NIN: variants seen among roughly 807,000 people sequenced by gnomAD.
NIN encodes glycogen synthase kinase 3 beta-interacting protein.
In NIN, 137 loss-of-function variants were observed where a neutral mutation model predicts 257.6. That is an observed-to-expected ratio of 0.53 (90% confidence interval 0.46 to 0.61). The LOEUF is 0.61. NIN is among the 20% of genes least tolerant of loss of function. The pLI is 0.00. For missense variants in NIN, 2,439 were observed against 2,501.2 expected (o/e 0.98, Z 0.53); for synonymous variants, 918 against 919.8 (o/e 1.00, Z 0.04).
intron 29 of NIN, 122 bp downstream of exon 29, chr14:50,729,401 C>G (rs1293230766): frequency 1.9e-5 from 17 of 890,846 alleles, no homozygotes; most frequent in Non-Finnish European, 2.8e-5. Context: ...TCCCAAGTAG[C>G]TGGGACTACA....
rs190809830 is a variant in NIN, at chr14:50,803,317, C to A, written c.265+3420G>T. Among the ~76,000 whole-genome samples the A allele has an allele frequency of 1.7e-4, 26 of 152,332 alleles. No homozygotes were observed. The East Asian group carries it at 4.2e-3, about 25-fold the overall frequency. ...GCAGTGAACTGAGATTGTGCCACTGCACTCCAGCCTGGGCAACAGAGTGAG... is the reference window on the plus strand; with the variant it reads ...GCAGTGAACTGAGATTGTGCCACTGAACTCCAGCCTGGGCAACAGAGTGAG... On this transcript the variant is annotated intron_variant, in intron 4 of 30. Transcript: ENST00000530997.
intron 4 of NIN, among the ~76,000 whole-genome samples, chr14:50,799,103 C>T (rs776836178): frequency 2.0e-5 from 3 of 152,146 alleles, no homozygotes; most frequent in Non-Finnish European, 4.4e-5. Context: ...GCATTTTACA[C>T]GTTAGGATTA....
intron 24 of NIN, among the ~76,000 whole-genome samples, chr14:50,742,989 A>G (rs188549901): frequency 3.3e-5 from 5 of 152,124 alleles, no homozygotes; most frequent in Non-Finnish European, 5.9e-5. Context: ...TTTGAGATGG[A>G]GTCTCGCTCT....
intron 5 of NIN, among the ~76,000 whole-genome samples, chr14:50,791,028 T>C (rs968966408): frequency 2.0e-5 from 3 of 152,168 alleles, no homozygotes; most frequent in Non-Finnish European, 4.4e-5. Context: ...AATAATACCC[T>C]GGGGACTGAA....
intron 29 of NIN, among the ~76,000 whole-genome samples, chr14:50,728,907 A>G (rs931081041): frequency 6.6e-6 from 1 of 152,254 alleles, no homozygotes; most frequent in Non-Finnish European, 1.5e-5. Flanking sequence ...GTCACTGACT[A>G]TACACTCTAT....
intron 3 of NIN, among the ~76,000 whole-genome samples, chr14:50,810,261 G>C (rs1381482745): frequency 1.3e-5 from 2 of 149,550 alleles, no homozygotes; most frequent in East Asian, 3.9e-4. Flanking sequence ...AAATGCCAAA[G>C]GACCAACTCA....
At position 50,771,327 on chromosome 14, in the gene NIN, C is replaced by T; in HGVS notation, c.1118+5G>A. 6.2e-7 allele frequency: 1 copy of T among 1,613,676 alleles called. No homozygotes were observed. ...TGGGGCAGGCGAACCTTCTGCTCAA[C>T]TCACAACAAATGCCGGATTTCAGCC... On this transcript the variant is annotated splice_donor_5th_base_variant and intron_variant, in intron 10 of 30. Coordinates refer to ENST00000530997, the MANE Select transcript of NIN (RefSeq NM_020921.4).
At position 50,754,864 on chromosome 14, in the gene NIN, A is replaced by G; in HGVS notation, c.4542T>C (p.Tyr1514=). Residue 1514 remains tyrosine (Y), a synonymous_variant, in exon 19 of 31, where the codon TAT becomes TAC. Transcript: ENST00000530997. ...EMQQKVELLR[Y]ESEKLQQENS... ...TTTCCTGTTGAAGCTTTTCAGATTC[A>G]TATCTGAAGCACAGAGATTGAAAAA... 6.4e-7 allele frequency: 1 copy of G among 1,561,702 alleles called. No homozygotes were observed.
At chr14:50,777,714 G>A (rs2042976581) in intron 6 of NIN, among the ~76,000 whole-genome samples, 1 of 151,274 alleles carries the variant, frequency 6.6e-6, no homozygotes, top group Admixed American at 6.6e-5. Context: ...CAAGCTATAA[G>A]TTCCCAGTTA....
chr14:50,754,525 A>T (rs758267814), intron 20 of NIN, 38 bp downstream of exon 20: 2 of 1,534,780 alleles, frequency 1.3e-6, no homozygotes, highest in Admixed American at 3.7e-5. Context: ...AAAATTTTGG[A>T]ATCAAAAAAC....
At position 50,722,608 on chromosome 14, in the gene NIN, T is replaced by A. The variant is rs867662108; in HGVS notation, c.*855A>T. On this transcript the variant is annotated 3_prime_UTR_variant, in exon 31 of 31. Transcript: ENST00000530997. ...AAGTAAATTTATGAACTCTAAGATT[T>A]GAGAGACAGAAAACCTACATGGTCT... The A allele has an allele frequency of 4.7e-6, 1 of 213,412 alleles. No individual in the cohort carries two copies. The highest frequency in any genetic ancestry group is 9.5e-6 in the Non-Finnish European group (1 of 105,186). The allele number at this position is 213,412 out of a possible 1,614,324, so 13.2% of individuals were successfully genotyped here. A position where few individuals can be genotyped will look rare whatever the true frequency, so the allele number is the denominator to read the frequency against.
In NIN at chr14:50,821,812, C is replaced by T. The variant is rs1033360075; in HGVS notation, c.183+62G>A. 1.5e-5 allele frequency: 21 copies of T among 1,401,304 alleles called. No individual in the cohort carries two copies. In the African/African-American group the frequency reaches 2.8e-4, roughly 19 times the overall value. 86.8% of individuals were successfully genotyped at this position (1,401,304 alleles called of 1,614,324 possible). A position where few individuals can be genotyped will look rare whatever the true frequency, so the allele number is the denominator to read the frequency against. ...TGCAACATGTGTGGTCCGCCCCACC[C>T]CCAGCACCCCGGCAGAAACCGCACC... is the stretch of plus-strand genomic sequence containing the variant. On this transcript the variant is annotated intron_variant, in intron 3 of 30. Transcript: ENST00000530997.
chr14:50,808,867 T>C (rs1333141415), intron 3 of NIN, among the ~76,000 whole-genome samples: 1 of 152,232 alleles, frequency 6.6e-6, no homozygotes, highest in Non-Finnish European at 1.5e-5. Flanking sequence ...AAGTGGTAGT[T>C]AATACTACCA....
chr14:50,811,409 T>G (rs1173792135), intron 3 of NIN, among the ~76,000 whole-genome samples: 2 of 151,666 alleles, frequency 1.3e-5, no homozygotes, highest in Non-Finnish European at 2.9e-5. Context: ...GCGCCCGGCC[T>G]TGAGGGTATT....
rs560211303 is a variant in NIN at position 50,757,309 on chromosome 14, T to G, written c.3721A>C (p.Ile1241Leu). The change falls in exon 18 of 31, where the codon ATC becomes CTC. Residue 1241 changes from isoleucine to leucine, a missense_variant. Coordinates refer to ENST00000530997, the MANE Select transcript of NIN (RefSeq NM_020921.4). The part of the protein sequence containing the change: ...LKKKLKMLER[I>L]PEASPKYKLL... ...TTATATTTGGGAGAAGCCTCAGGGA[T>G]TCTCTCAAGCATCTTCAGTTTCTTT... 1.1e-5 allele frequency: 18 copies of G among 1,614,042 alleles called. No individual in the cohort carries two copies. Among genetic ancestry groups the G allele is most frequent in the Middle Eastern group, 3.3e-4 (2 of 6,062 alleles).
intron 3 of NIN, among the ~76,000 whole-genome samples, chr14:50,818,570 T>C (rs2045045011): frequency 6.6e-6 from 1 of 152,184 alleles, no homozygotes; most frequent in African/African-American, 2.4e-5. Flanking sequence ...AGTTTTTCGG[T>C]GTCTTGAGAA....
chr14:50,725,616 C>CTA (rs1430902951), intron 30 of NIN, among the ~76,000 whole-genome samples: 2 of 151,744 alleles, frequency 1.3e-5, no homozygotes, highest in African/African-American at 4.8e-5. Context: ...TCACAGGGAC[C>CTA]TAAAGCATGT....
chr14:50,774,236 AAC>A lies in NIN; in HGVS notation c.667-1143_667-1142del, dbSNP rs531891922. ...TCTAACACAGGCCTAAATTCTCTGCAACACATTCTCAAGCTTCTAATATTCCT... is the reference window on the plus strand; with the variant it reads ...TCTAACACAGGCCTAAATTCTCTGCAACATTCTCAAGCTTCTAATATTCCT... On this transcript the variant is annotated intron_variant, in intron 7 of 30. Transcript: ENST00000530997. Among the ~76,000 whole-genome samples the A allele has an allele frequency of 2.6e-5, 4 of 152,366 alleles. No homozygotes were observed. In the South Asian group the frequency reaches 8.3e-4, roughly 32 times the overall value.
At chr14:50,729,326 C>T (rs1158235549) in intron 29 of NIN, among the ~76,000 whole-genome samples, 197 bp downstream of exon 29, 1 of 151,400 alleles carries the variant, frequency 6.6e-6, no homozygotes, top group Non-Finnish European at 1.5e-5. Flanking sequence ...TGGCTATTCA[C>T]ACACATGATC....
Sources: gnomAD v4.1 joint callset for allele counts (sites outside exome capture counted in the v4.1 genomes callset) on GRCh38, gnomAD v4.1.1 for gene constraint, MANE v1.5 for transcripts, NCBI Gene and HGNC (gene_info 2026-07-23, HGNC 2026-07-21) for gene names.